The following PLXNA2 variants were observed in gnomAD, a reference collection of about 807,000 sequenced individuals.
The protein encoded by PLXNA2 is plexin-A2.
A neutral mutation model predicts 193.5 loss-of-function variants in PLXNA2; 91 were observed. The ratio of observed to expected loss-of-function variants is 0.47; its 90% CI spans 0.40 to 0.56. PLXNA2 has a LOEUF of 0.56. Ranked by LOEUF, PLXNA2 falls within the 20% of genes least tolerant of loss-of-function variation. The pLI, the probability that PLXNA2 is intolerant of heterozygous loss-of-function variation, is 0.00. For synonymous variants in PLXNA2, 997 were observed against 1,027.3 expected (o/e 0.97, Z 0.56); for missense variants, 1,995 against 2,503.2 (o/e 0.80, Z 4.33).
intron 4 of PLXNA2, among the ~76,000 whole-genome samples, chr1:208,107,887 C>A (rs1667325448): frequency 6.6e-6 from 1 of 152,070 alleles, no homozygotes; most frequent in Non-Finnish European, 1.5e-5. Context: ...AGTGCTGCTT[C>A]AAACTGGATT....
intron 3 of PLXNA2, among the ~76,000 whole-genome samples, chr1:208,146,683 A>G (rs1483056409): frequency 6.6e-6 from 1 of 152,178 alleles, no homozygotes; most frequent in Non-Finnish European, 1.5e-5. Context: ...TAGCCAACCA[A>G]TTGAGTTTAT....
At chr1:208,238,632 G>A (rs1671942611) in intron 1 of PLXNA2, among the ~76,000 whole-genome samples, 1 of 152,116 alleles carries the variant, frequency 6.6e-6, no homozygotes, top group African/African-American at 2.4e-5. Flanking sequence ...AAATGAAAGG[G>A]GGAATTATAA....
intron 5 of PLXNA2, 126 bp from the exon 6 acceptor site, chr1:208,099,095 T>C: frequency 8.5e-7 from 1 of 1,183,256 alleles, no homozygotes; most frequent in Non-Finnish European, 1.2e-6. Context: ...AAGAAGACTT[T>C]TACTGTACTC....
intron 4 of PLXNA2, among the ~76,000 whole-genome samples, chr1:208,107,648 G>A (rs534258120): frequency 5.9e-4 from 90 of 152,260 alleles, no homozygotes; most frequent in Admixed American, 9.8e-4. Context: ...CCACCGCGTC[G>A]GGCGCCCTCT....
intron 4 of PLXNA2, among the ~76,000 whole-genome samples, chr1:208,119,770 T>C (rs1389344972): frequency 6.6e-6 from 1 of 152,164 alleles, no homozygotes; most frequent in Non-Finnish European, 1.5e-5. Context: ...CCACCATGCC[T>C]GGCTAATTTA....
chr1:208,106,090 C>T (rs566281783), intron 4 of PLXNA2, among the ~76,000 whole-genome samples: 131 of 147,376 alleles, frequency 8.9e-4, no homozygotes, highest in African/African-American at 3.0e-3. Flanking sequence ...TTTTAATGCA[C>T]TGAGTTGAAG....
rs191749025 is a variant in PLXNA2 at position 208,067,810 on chromosome 1, C to T, written c.2587-6973G>A. Among the ~76,000 whole-genome samples the T allele has an allele frequency of 2.3e-3, 347 of 152,270 alleles. 4 individuals carry two copies. The highest frequency in any genetic ancestry group is 7.7e-3 in the African/African-American group (318 of 41,550). On this transcript the variant is annotated intron_variant, in intron 12 of 31. Coordinates refer to ENST00000367033, the MANE Select transcript of PLXNA2 (RefSeq NM_025179.4). ...GTCAGAATGTATCCCCATGGTTAAG[C>T]GATGCATGACTGTACATGTGCTCGC... is the stretch of plus-strand genomic sequence containing the variant.
At chr1:208,230,011 T>C (rs575675992) in intron 1 of PLXNA2, among the ~76,000 whole-genome samples, 29 of 152,326 alleles carry the variant, frequency 1.9e-4, no homozygotes, top group African/African-American at 7.0e-4. Context: ...TTTAACCTTT[T>C]GGAGCCTCGC....
At chr1:208,030,889 C>T in intron 29 of PLXNA2, 3 of 985,448 alleles carry the variant, frequency 3.0e-6, no homozygotes, top group Non-Finnish European at 3.6e-6. Context: ...GTTCAAAACC[C>T]ATGAGGATAA....
intron 3 of PLXNA2, among the ~76,000 whole-genome samples, chr1:208,192,753 G>C (rs1055768922): frequency 6.6e-6 from 1 of 152,138 alleles, no homozygotes; most frequent in African/African-American, 2.4e-5. Context: ...CAGGCATGGT[G>C]ATGCATGCCT....
At chr1:208,140,960 TTTCA>T (rs1439546652) in intron 4 of PLXNA2, among the ~76,000 whole-genome samples, 1 of 152,218 alleles carries the variant, frequency 6.6e-6, no homozygotes, top group Non-Finnish European at 1.5e-5. Flanking sequence ...CCACTGACTG[TTTCA>T]TCGGAATGAT....
intron 31 of PLXNA2, 139 bp from the exon 32 acceptor site, chr1:208,027,477 T>A (rs1664377149): frequency 1.6e-6 from 1 of 609,762 alleles, no homozygotes; most frequent in Admixed American, 2.7e-5. Flanking sequence ...TTTAAATGAT[T>A]AACTGAATGA....
intron 4 of PLXNA2, among the ~76,000 whole-genome samples, chr1:208,115,000 A>G (rs1420942770): frequency 2.6e-5 from 4 of 152,244 alleles, no homozygotes; most frequent in African/African-American, 9.6e-5. Flanking sequence ...TCATTTATTC[A>G]TTCCTGCCAT....
chr1:208,048,386 G>A (rs1383192962), intron 17 of PLXNA2, among the ~76,000 whole-genome samples: 1 of 152,190 alleles, frequency 6.6e-6, no homozygotes, highest in Middle Eastern at 3.2e-3. Context: ...CAGAAGCACA[G>A]GGCAGGGGTT....
intron 5 of PLXNA2, 64 bp from the exon 6 acceptor site, chr1:208,099,033 C>A: frequency 1.9e-6 from 3 of 1,587,392 alleles, no homozygotes; most frequent in East Asian, 2.3e-5. Flanking sequence ...GCTCCATTGT[C>A]CCCTGGGCAG....
At chr1:208,039,945 T>G in intron 23 of PLXNA2, 47 bp downstream of exon 23, 1 of 1,597,332 alleles carries the variant, frequency 6.3e-7, no homozygotes, top group Non-Finnish European at 8.6e-7. Context: ...TAAGCAGCAG[T>G]GCCATCCTGC....
chr1:208,137,218 G>A (rs1441686596), intron 4 of PLXNA2, among the ~76,000 whole-genome samples: 4 of 152,188 alleles, frequency 2.6e-5, no homozygotes, highest in African/African-American at 7.2e-5. Flanking sequence ...TCTGTACGGA[G>A]CCATTCTCCA....
intron 1 of PLXNA2, among the ~76,000 whole-genome samples, chr1:208,226,388 C>T (rs2102629612): frequency 6.6e-6 from 1 of 152,112 alleles, no homozygotes; most frequent in South Asian, 2.1e-4. Context: ...CTGATCGAGC[C>T]CTGGAAACCA....
chr1:208,096,205 G>T, intron 7 of PLXNA2, 80 bp from the exon 8 acceptor site: 1 of 1,059,598 alleles, frequency 9.4e-7, no homozygotes, highest in Non-Finnish European at 1.5e-6. Context: ...TAAAATGTAA[G>T]TCATGAAGCC....
Sources: allele counts gnomAD v4.1 joint callset (sites outside exome capture counted in the v4.1 genomes callset), GRCh38; gene constraint gnomAD v4.1.1; transcripts MANE v1.5; gene names NCBI Gene and HGNC (gene_info 2026-07-23, HGNC 2026-07-21).